ST6GALNAC2: variants seen among roughly 807,000 people sequenced by gnomAD.
ST6GALNAC2 encodes the protein alpha-N-acetylgalactosaminide alpha-2,6-sialyltransferase 2.
ST6GALNAC2 carries 42 observed loss-of-function variants against 38.7 expected under a neutral mutation model. The ratio of observed to expected loss-of-function variants is 1.09; its 90% CI spans 0.85 to 1.40. The LOEUF is 1.40. Ranked by LOEUF, ST6GALNAC2 falls within the 40% of genes most tolerant of loss-of-function variation. ST6GALNAC2 has a pLI of 0.00. For synonymous variants in ST6GALNAC2, 233 were observed against 209.0 expected, an observed-to-expected ratio of 1.11 and a Z score of -0.99; for missense variants, 506 against 481.7, an observed-to-expected ratio of 1.05 and a Z score of -0.47.
intron 6 of ST6GALNAC2, 193 bp from the exon 7 acceptor site, chr17:76,568,989 C>T (rs1211850330): frequency 3.4e-6 from 2 of 585,684 alleles, no homozygotes; most frequent in Non-Finnish European, 6.0e-6. Flanking sequence ...GCTTCCCGCT[C>T]ACCAGGACCT....
intron 2 of ST6GALNAC2, among the ~76,000 whole-genome samples, chr17:76,575,720 A>G (rs1301994045): frequency 6.6e-6 from 1 of 152,072 alleles, no homozygotes; most frequent in African/African-American, 2.4e-5. Flanking sequence ...GCCTTGAGGG[A>G]GGGTGAGGTC....
intron 2 of ST6GALNAC2, among the ~76,000 whole-genome samples, chr17:76,577,062 TC>T (rs558891137): frequency 0.26 from 11,893 of 45,066 alleles, 532 homozygotes; most frequent in South Asian, 0.47. Context: ...TTCTTTTTTT[TC>T]TTTTTTTTTT....
chr17:76,570,612 C>T lies in ST6GALNAC2; in HGVS notation c.726G>A (p.Ser242=), dbSNP rs759738194. 21 of 1,613,206 alleles carry T rather than the reference C, an allele frequency of 1.3e-5. No homozygotes were observed. The Admixed American group carries it at 1.8e-4, about 14-fold the overall frequency. ...CAGGGACAGGCACGCCCAGAATGGCCGATCTCAGCATCACATAGTCGCGGA... is the reference window on the plus strand; with the variant it reads ...CAGGGACAGGCACGCCCAGAATGGCTGATCTCAGCATCACATAGTCGCGGA... ...SDIRDYVMLR[S]AILGVPVPEG... is the part of the protein sequence containing the mutation. The change falls in exon 6 of 9, where the codon TCG becomes TCA. Residue 242 remains serine, a synonymous_variant. Transcript: ENST00000225276.
chr17:76,567,714 A>C, intron 7 of ST6GALNAC2, 162 bp from the exon 8 acceptor site: 3 of 546,038 alleles, frequency 5.5e-6, no homozygotes, highest in Non-Finnish European at 9.9e-6. Context: ...GATCTTTGAG[A>C]CCTTAGGTAA....
At chr17:76,569,369 C>G in intron 6 of ST6GALNAC2, 1 of 375,238 alleles carries the variant, frequency 2.7e-6, no homozygotes, top group Non-Finnish European at 4.5e-6. Context: ...GATTTGAAAC[C>G]AGACTGGGAG....
At chr17:76,569,651 G>T in intron 6 of ST6GALNAC2, 1 of 398,682 alleles carries the variant, frequency 2.5e-6, no homozygotes, top group Non-Finnish European at 4.4e-6. Context: ...GAGCTCATTG[G>T]TGTTGGGGAG....
chr17:76,579,605 G>A (rs1397866725), intron 1 of ST6GALNAC2, among the ~76,000 whole-genome samples: 1 of 152,230 alleles, frequency 6.6e-6, no homozygotes, highest in Non-Finnish European at 1.5e-5. Flanking sequence ...AATCCCCAAT[G>A]CAACAGTGTT....
chr17:76,576,394 G>A (rs1453145795), intron 2 of ST6GALNAC2, among the ~76,000 whole-genome samples: 3 of 152,208 alleles, frequency 2.0e-5, no homozygotes, highest in Non-Finnish European at 2.9e-5. Context: ...CTGATGTCCC[G>A]TGGTTAAAGA....
chr17:76,566,028 G>C lies in ST6GALNAC2; in HGVS notation c.*76C>G, dbSNP rs2075276020. 2.0e-6 allele frequency: 3 copies of C among 1,491,950 alleles called. No homozygotes were observed. The highest frequency in any genetic ancestry group is 2.7e-6 in the Non-Finnish European group (3 of 1,107,160). The allele number at this position is 1,491,950 out of a possible 1,614,324, so 92.4% of individuals were successfully genotyped here. A position where few individuals can be genotyped will look rare whatever the true frequency, so the allele number is the denominator to read the frequency against. On this transcript the variant is annotated 3_prime_UTR_variant, in exon 9 of 9. Transcript: ENST00000225276. ...GGCAAGGGAAGGTGAAGATTGAAAA[G>C]TTAAAAAAGCTTTTGGCCACTTGAG...
intron 1 of ST6GALNAC2, among the ~76,000 whole-genome samples, chr17:76,579,620 G>A (rs774211738): frequency 1.4e-4 from 22 of 152,224 alleles, no homozygotes; most frequent in Non-Finnish European, 2.2e-4. Context: ...AGTGTTGAGA[G>A]ATGAGACCTT....
intron 2 of ST6GALNAC2, among the ~76,000 whole-genome samples, chr17:76,577,445 A>G (rs1029556093): frequency 6.6e-6 from 1 of 152,126 alleles, no homozygotes; most frequent in African/African-American, 2.4e-5. Context: ...TACGTCAGTT[A>G]GCAATGAACA....
At position 76,565,773 on chromosome 17, in the gene ST6GALNAC2, T is replaced by C. The variant is rs555665747; in HGVS notation, c.*331A>G. 94 of 227,192 alleles carry C rather than the reference T, an allele frequency of 4.1e-4. No individual in the cohort carries two copies. Among genetic ancestry groups the C allele is most frequent in the South Asian group, 3.3e-3 (41 of 12,278 alleles). 14.1% of individuals were successfully genotyped at this position (227,192 alleles called of 1,614,324 possible). On this transcript the variant is annotated 3_prime_UTR_variant, in exon 9 of 9. Transcript: ENST00000225276. Reference sequence around the variant, plus strand: ...CCAGGAGGATTTGGGCTGGAGCGTGTGTGTTTGCCTTTGACCTGGACTGCT... The same window carrying C: ...CCAGGAGGATTTGGGCTGGAGCGTGCGTGTTTGCCTTTGACCTGGACTGCT...
chr17:76,568,656 G>A, intron 7 of ST6GALNAC2, 57 bp downstream of exon 7: 1 of 1,547,980 alleles, frequency 6.5e-7, no homozygotes, highest in Non-Finnish European at 8.9e-7. Context: ...GGATGTGGGT[G>A]GGTGTGTAAA....
intron 5 of ST6GALNAC2, among the ~76,000 whole-genome samples, chr17:76,572,309 G>C: frequency 6.6e-6 from 1 of 152,158 alleles, no homozygotes; most frequent in East Asian, 1.9e-4. Context: ...CTGACTCACT[G>C]AATGAAAGGC....
Position 76,565,736 on chromosome 17 carries a change from T to G in ST6GALNAC2, c.*368A>C. On this transcript the variant is annotated 3_prime_UTR_variant, in exon 9 of 9. Transcript: ENST00000225276. Reference sequence around the variant, plus strand: ...CCTTGAATCACTTTAGCATCTGGGGTAGGATGTGCCACCAGGAGGATTTGG... The same window carrying G: ...CCTTGAATCACTTTAGCATCTGGGGGAGGATGTGCCACCAGGAGGATTTGG... The G allele has an allele frequency of 5.1e-6, 1 of 195,162 alleles. No individual in the cohort carries two copies. Among genetic ancestry groups the G allele is most frequent in the Non-Finnish European group, 1.1e-5 (1 of 95,106 alleles). 12.1% of individuals were successfully genotyped at this position (195,162 alleles called of 1,614,324 possible). A position where few individuals can be genotyped will look rare whatever the true frequency, so the allele number is the denominator to read the frequency against.
rs1213674497 is a variant in ST6GALNAC2, at chr17:76,568,765, C to CA, written c.804dup (p.Ala269CysfsTer3). ...GGATGTAGCAGCTTGAATTTACTGG[C>CA]AGAGGCTTCTGGTCCAAAATAGGCG... On this transcript the variant is annotated frameshift_variant, in exon 7 of 9. Transcript: ENST00000225276. LOFTEE classifies it high-confidence loss of function. 6.2e-7 allele frequency: 1 copy of CA among 1,613,502 alleles called. No individual in the cohort carries two copies. The highest frequency in any genetic ancestry group is 8.5e-7 in the Non-Finnish European group (1 of 1,179,972).
intron 2 of ST6GALNAC2, among the ~76,000 whole-genome samples, chr17:76,576,757 G>A (rs1350412027): frequency 6.6e-6 from 1 of 152,116 alleles, no homozygotes; most frequent in Non-Finnish European, 1.5e-5. Context: ...GATCACCTAA[G>A]TTCAGGGGTT....
At chr17:76,577,422 C>T (rs2143310464) in intron 2 of ST6GALNAC2, among the ~76,000 whole-genome samples, 1 of 151,932 alleles carries the variant, frequency 6.6e-6, no homozygotes, top group African/African-American at 2.4e-5. Context: ...TTGGTTTAGA[C>T]CAGGTGGGGA....
rs748220106 is a variant in ST6GALNAC2, at chr17:76,585,761, C to G, written c.48G>C (p.Thr16=). The change falls in exon 1 of 9, where the codon ACG becomes ACC. Residue 16 remains threonine (T), a synonymous_variant. Coordinates refer to ENST00000225276, the MANE Select transcript of ST6GALNAC2 (RefSeq NM_006456.3). ...CAAAGAGGAGCCCCGAGCAGGCAGC[C>G]GTGAGCAGGAGCAGCAGCCAGAAGA... ...GSFFWLLLLL[T]AACSGLLFAL... is the part of the protein sequence containing the mutation. The G allele has an allele frequency of 1.0e-5, 16 of 1,553,392 alleles. No individual in the cohort carries two copies. Among genetic ancestry groups the G allele is most frequent in the Non-Finnish European group, 1.4e-5 (16 of 1,151,794 alleles).
Sources: allele counts gnomAD v4.1 joint callset (sites outside exome capture counted in the v4.1 genomes callset), GRCh38; gene constraint gnomAD v4.1.1; transcripts MANE v1.5; gene names NCBI Gene and HGNC (gene_info 2026-07-23, HGNC 2026-07-21).